Variants in HERC1 observed in about 807,000 individuals in gnomAD.
HERC1 encodes HECT and RLD domain containing E3 ubiquitin protein ligase family member 1, also known as probable E3 ubiquitin-protein ligase HERC1.
Under a neutral mutation model 554.3 loss-of-function variants are expected in HERC1, and 160 were observed. That is an observed-to-expected ratio of 0.29 (90% confidence interval 0.25 to 0.33). HERC1 has a LOEUF of 0.33. Ranked by LOEUF, HERC1 falls within the 10% of genes least tolerant of loss-of-function variation. The pLI is 1.00. For synonymous variants in HERC1, 2,175 were observed against 2,131.7 expected (o/e 1.02, Z -0.56); for missense variants, 4,919 against 5,918.5 (o/e 0.83, Z 5.54).
Position 63,656,408 on chromosome 15 carries a change from A to G in HERC1, c.9600-50T>C, listed in dbSNP as rs576788395. 4.9e-5 allele frequency: 75 copies of G among 1,531,578 alleles called. No individual in the cohort carries two copies. The East Asian group carries it at 1.7e-3, about 34-fold the overall frequency. 94.9% of individuals were successfully genotyped at this position (1,531,578 alleles called of 1,614,324 possible). On this transcript the variant is annotated intron_variant, in intron 48 of 77. Coordinates refer to ENST00000443617, the MANE Select transcript of HERC1 (RefSeq NM_003922.4). ...GATGGATAAAGAAAATGGATTTCTT[A>G]AGGGACCATTTGCAGTCCCACATAA...
rs190490573 is a variant in HERC1 at position 63,795,952 on chromosome 15, G to A, written c.-26-20303C>T. Among the ~76,000 whole-genome samples the A allele has an allele frequency of 6.4e-3, 973 of 152,320 alleles. 8 individuals are homozygous for A. The highest frequency in any genetic ancestry group is 0.023 in the African/African-American group (940 of 41,558). ...ACCTTTAAATAAGGAAGAGGAACAG[G>A]CTACGACCTAATGCTTGCTTGAACC... is the stretch of plus-strand genomic sequence containing the variant. On this transcript the variant is annotated intron_variant, in intron 1 of 77. Transcript: ENST00000443617.
chr15:63,773,438 C>T (rs1244783953), intron 2 of HERC1, among the ~76,000 whole-genome samples: 5 of 124,292 alleles, frequency 4.0e-5, no homozygotes, highest in Non-Finnish European at 8.3e-5. Context: ...GAGCTAGACT[C>T]TGTCTCAAAA....
At chr15:63,729,740 G>A (rs932600587) in intron 14 of HERC1, 91 bp from the exon 15 acceptor site, 1 of 1,309,376 alleles carries the variant, frequency 7.6e-7, no homozygotes, top group South Asian at 1.3e-5. Context: ...AGCATTATAT[G>A]GGCTGGGTGC....
In HERC1 at chr15:63,609,168, G is replaced by A; in HGVS notation, c.14499C>T (p.Ala4833=). 1 of 1,613,886 alleles carries A rather than the reference G, an allele frequency of 6.2e-7. No homozygotes were observed. The highest frequency in any genetic ancestry group is 8.5e-7 in the Non-Finnish European group (1 of 1,179,846). The part of the protein sequence containing the change: ...QLVMAERLRY[A]INNCRSIDMD... ...TGTCGATTGAGCGGCAGTTGTTGAT[G>A]GCATAGCGCAGGCGCTCGGCCATGA... Residue 4833 remains alanine, a synonymous_variant, in exon 78 of 78, where the codon GCC becomes GCT. Transcript: ENST00000443617.
intron 25 of HERC1, among the ~76,000 whole-genome samples, chr15:63,702,084 T>C (rs2072750598): frequency 6.6e-6 from 1 of 152,134 alleles, no homozygotes; most frequent in African/African-American, 2.4e-5. Context: ...AATACATACT[T>C]TATAAACCAT....
chr15:63,675,382 A>T (rs2071144483), intron 37 of HERC1, among the ~76,000 whole-genome samples: 1 of 152,234 alleles, frequency 6.6e-6, no homozygotes, highest in South Asian at 2.1e-4. Flanking sequence ...GAGTTAGCAA[A>T]CTTTCTGTAA....
At chr15:63,627,777 T>C (rs1435712506) in intron 70 of HERC1, among the ~76,000 whole-genome samples, 5 of 152,096 alleles carry the variant, frequency 3.3e-5, no homozygotes, top group South Asian at 2.1e-4. Flanking sequence ...GAATGGAAGA[T>C]AGATCAAATC....
intron 26 of HERC1, 136 bp from the exon 27 acceptor site, chr15:63,696,475 TTTA>T (rs1205465776): frequency 2.6e-5 from 16 of 616,172 alleles, no homozygotes; most frequent in African/African-American, 1.1e-4. Flanking sequence ...AAACATTTAT[TTTA>T]TTATTATTAC....
chr15:63,831,706 T>C (rs2078162222), intron 1 of HERC1, among the ~76,000 whole-genome samples: 1 of 152,180 alleles, frequency 6.6e-6, no homozygotes, highest in African/African-American at 2.4e-5. Flanking sequence ...GAAAACATGC[T>C]TGGAACGTTG....
At chr15:63,639,183 G>C (rs1363139750) in intron 61 of HERC1, among the ~76,000 whole-genome samples, 1 of 152,158 alleles carries the variant, frequency 6.6e-6, no homozygotes, top group Non-Finnish European at 1.5e-5. Flanking sequence ...GACATTTTCT[G>C]ATTAAAATAT....
chr15:63,782,150 A>G (rs1187739132), intron 1 of HERC1, among the ~76,000 whole-genome samples: 2 of 152,252 alleles, frequency 1.3e-5, no homozygotes, highest in African/African-American at 4.8e-5. Context: ...GTAACTGATG[A>G]AAGTAGTTAT....
chr15:63,618,337 G>C (rs1043996815), intron 74 of HERC1, among the ~76,000 whole-genome samples: 1 of 152,040 alleles, frequency 6.6e-6, no homozygotes, highest in Non-Finnish European at 1.5e-5. Context: ...ATTTCTGAGG[G>C]CTCTGTTCTG....
chr15:63,737,854 C>A (rs1029171048), intron 12 of HERC1, among the ~76,000 whole-genome samples: 1 of 152,030 alleles, frequency 6.6e-6, no homozygotes, highest in Admixed American at 6.6e-5. Flanking sequence ...AGTAACACCG[C>A]TGAAAACTAG....
chr15:63,743,698 T>C (rs1036947257), intron 12 of HERC1, among the ~76,000 whole-genome samples: 2 of 152,246 alleles, frequency 1.3e-5, no homozygotes, highest in Non-Finnish European at 2.9e-5. Context: ...TAAATTTATG[T>C]GATAGGATTC....
At chr15:63,794,461 T>C (rs532492566) in intron 1 of HERC1, among the ~76,000 whole-genome samples, 33 of 152,128 alleles carry the variant, frequency 2.2e-4, no homozygotes, top group African/African-American at 6.5e-4. Context: ...TTCCCAGAGG[T>C]TGGGGATGGG....
At chr15:63,789,114 G>A (rs1357112732) in intron 1 of HERC1, among the ~76,000 whole-genome samples, 10 of 103,678 alleles carry the variant, frequency 9.6e-5, no homozygotes, top group East Asian at 3.1e-4. Context: ...TTTTTGAGAC[G>A]GAGTCTCGCT....
rs368581625 is a variant in HERC1 at position 63,634,905 on chromosome 15, G to A, written c.12415-17C>T. 1.6e-4 allele frequency: 242 copies of A among 1,555,702 alleles called. No homozygotes were observed. Among genetic ancestry groups the A allele is most frequent in the Non-Finnish European group, 2.0e-4 (226 of 1,153,822 alleles). ...ACAAGACATCTAAGACAGAACCAAG[G>A]AGAAAGAAAATTTTTAAGAAGGGAA... On this transcript the variant is annotated splice_polypyrimidine_tract_variant and intron_variant, in intron 65 of 77. Transcript: ENST00000443617.
intron 74 of HERC1, among the ~76,000 whole-genome samples, chr15:63,617,443 A>T (rs2067870929): frequency 6.6e-6 from 1 of 152,158 alleles, no homozygotes; most frequent in African/African-American, 2.4e-5. Context: ...AGTCTTTCCT[A>T]TTATGAATAG....
At chr15:63,770,580 T>G (rs2075921518) in intron 2 of HERC1, among the ~76,000 whole-genome samples, 1 of 152,254 alleles carries the variant, frequency 6.6e-6, no homozygotes, top group Non-Finnish European at 1.5e-5. Context: ...ATTACTTCCC[T>G]ATTCTCATAT....
Sources: gnomAD v4.1 joint callset for allele counts (sites outside exome capture counted in the v4.1 genomes callset) on GRCh38, gnomAD v4.1.1 for gene constraint, MANE v1.5 for transcripts, NCBI Gene and HGNC (gene_info 2026-07-23, HGNC 2026-07-21) for gene names.